The following HYCC1 variants were observed in gnomAD, a reference collection of about 807,000 sequenced individuals.
The protein encoded by HYCC1 is hyccin.
At chr7:22,954,319 G>A in the HYCC1 span, among the ~76,000 whole-genome samples, 1 of 150,890 alleles carries the variant, frequency 6.6e-6, no homozygotes, top group Non-Finnish European at 1.5e-5. Context: ...CTTTATCAAT[G>A]TTATTATACA....
At chr7:22,911,464 A>C in the HYCC1 span, among the ~76,000 whole-genome samples, 5 of 152,340 alleles carry the variant, frequency 3.3e-5, no homozygotes, top group South Asian at 6.2e-4. Flanking sequence ...TCATACCTAC[A>C]TTAAAGTTCA....
chr7:22,904,366 G>T, the HYCC1 span, among the ~76,000 whole-genome samples: 2 of 151,278 alleles, frequency 1.3e-5, no homozygotes, highest in Admixed American at 6.6e-5. Context: ...AGGAGGCGGA[G>T]CTTGTAGTGA....
chr7:22,956,922 G>A, the HYCC1 span, among the ~76,000 whole-genome samples: 1 of 151,838 alleles, frequency 6.6e-6, no homozygotes, highest in African/African-American at 2.4e-5. Context: ...TAAGAATAAA[G>A]TAATTTTTAA....
the HYCC1 span, among the ~76,000 whole-genome samples, chr7:22,986,901 T>C: frequency 9.8e-5 from 15 of 152,288 alleles, no homozygotes; most frequent in African/African-American, 3.6e-4. Context: ...CATACTAAAG[T>C]ATCATTTGAC....
the HYCC1 span, among the ~76,000 whole-genome samples, chr7:22,901,039 C>G: frequency 4.0e-5 from 6 of 151,350 alleles, no homozygotes; most frequent in Non-Finnish European, 7.4e-5. Context: ...GGGCAACATG[C>G]CAAAACCTCA....
At chr7:22,983,659 T>C in the HYCC1 span, 2 of 375,674 alleles carry the variant, frequency 5.3e-6, no homozygotes, top group Non-Finnish European at 9.8e-6. Flanking sequence ...TGGCTCATAA[T>C]GGGCACTCAA....
chr7:22,981,837 G>A, the HYCC1 span, among the ~76,000 whole-genome samples: 1 of 152,152 alleles, frequency 6.6e-6, no homozygotes, highest in Non-Finnish European at 1.5e-5. Flanking sequence ...TGTTAGTCAT[G>A]TATTTCAGAT....
At chr7:22,927,165 T>C in the HYCC1 span, among the ~76,000 whole-genome samples, 2,354 of 152,182 alleles carry the variant, frequency 0.015, 38 homozygotes, top group Non-Finnish European at 0.021. Context: ...CCAGAATCTC[T>C]GGGACACATT....
the HYCC1 span, among the ~76,000 whole-genome samples, chr7:23,012,924 C>A: frequency 2.6e-5 from 4 of 152,158 alleles, no homozygotes; most frequent in African/African-American, 9.7e-5. Flanking sequence ...GTCAGCTTGG[C>A]CCTACTGCCT....
the HYCC1 span, among the ~76,000 whole-genome samples, chr7:22,961,950 G>C: frequency 2.6e-5 from 4 of 152,010 alleles, no homozygotes; most frequent in East Asian, 7.7e-4. Context: ...TTACAAAAAT[G>C]AACAGGGATA....
chr7:22,969,673 C>T, the HYCC1 span, among the ~76,000 whole-genome samples: 7 of 151,828 alleles, frequency 4.6e-5, no homozygotes, highest in South Asian at 4.2e-4. Flanking sequence ...ACAGGCACCC[C>T]ACCACTACAT....
the HYCC1 span, among the ~76,000 whole-genome samples, chr7:22,959,649 T>C: frequency 1.0e-3 from 156 of 151,684 alleles, no homozygotes; most frequent in African/African-American, 3.7e-3. Flanking sequence ...GGGAGGGAAA[T>C]GGGAAAGCAC....
the HYCC1 span, among the ~76,000 whole-genome samples, chr7:23,006,005 A>G: frequency 6.6e-6 from 1 of 152,032 alleles, no homozygotes; most frequent in East Asian, 1.9e-4. Flanking sequence ...GCTATTTGTC[A>G]CCTTGTCCAC....
the HYCC1 span, chr7:22,939,719 C>T: frequency 1.3e-5 from 2 of 152,002 alleles, no homozygotes; most frequent in Non-Finnish European, 2.9e-5. Flanking sequence ...AGTGAGAGTC[C>T]TAAGACCTGT....
At chr7:22,924,124 A>G in the HYCC1 span, among the ~76,000 whole-genome samples, 1 of 142,922 alleles carries the variant, frequency 7.0e-6, no homozygotes, top group African/African-American at 2.6e-5. Context: ...AGTTGCAGTG[A>G]GGGAGATCAT....
the HYCC1 span, among the ~76,000 whole-genome samples, chr7:22,993,138 G>GT: frequency 2.0e-5 from 3 of 152,158 alleles, no homozygotes; most frequent in African/African-American, 7.2e-5. Flanking sequence ...AGTGAGGAAA[G>GT]GATGCTCTTT....
chr7:22,982,815 C>T, the HYCC1 span, among the ~76,000 whole-genome samples: 2 of 150,294 alleles, frequency 1.3e-5, no homozygotes, highest in African/African-American at 4.8e-5. Context: ...GAATTTGAGG[C>T]CCACCATGGT....
chr7:22,967,068 A>T, the HYCC1 span, among the ~76,000 whole-genome samples: 1 of 152,242 alleles, frequency 6.6e-6, no homozygotes, highest in Non-Finnish European at 1.5e-5. Flanking sequence ...CCGATGGATG[A>T]AAGAAATTTT....
chr7:22,932,608 A>G, the HYCC1 span, among the ~76,000 whole-genome samples: 1 of 152,136 alleles, frequency 6.6e-6, no homozygotes, highest in Non-Finnish European at 1.5e-5. Flanking sequence ...TCTCACCAAT[A>G]CCTAATTTTG....
Sources: allele counts gnomAD v4.1 joint callset (sites outside exome capture counted in the v4.1 genomes callset), GRCh38; gene constraint gnomAD v4.1.1; transcripts MANE v1.5; gene names NCBI Gene and HGNC (gene_info 2026-07-23, HGNC 2026-07-21).